Variants in TIMELESS observed in about 807,000 individuals in gnomAD.
The protein encoded by TIMELESS is timeless circadian regulator.
TIMELESS carries 124 observed loss-of-function variants against 164.3 expected under a neutral mutation model. The observed-to-expected ratio is 0.75, with a 90% CI of 0.65 to 0.88. The LOEUF (loss-of-function observed/expected upper bound fraction) is 0.88. Among genes scored for constraint, TIMELESS ranks in the 40% least tolerant of loss-of-function variants. The pLI, the probability that TIMELESS is intolerant of heterozygous loss-of-function variation, is 0.00. For synonymous variants in TIMELESS, 564 were observed against 563.4 expected (o/e 1.00, Z -0.02); for missense variants, 1,422 against 1,491.4 (o/e 0.95, Z 0.77).
At chr12:56,441,397 G>A (rs2136152765) in intron 1 of TIMELESS, among the ~76,000 whole-genome samples, 1 of 148,772 alleles carries the variant, frequency 6.7e-6, no homozygotes, top group Non-Finnish European at 1.5e-5. Flanking sequence ...TGAGGTGGGA[G>A]GATCACTTGA....
chr12:56,431,420 C>T (rs1881875934), intron 8 of TIMELESS, 51 bp downstream of exon 8: 3 of 1,562,300 alleles, frequency 1.9e-6, no homozygotes, highest in South Asian at 1.2e-5. Context: ...GCCTTCTATG[C>T]CCTCAGCATT....
chr12:56,428,837 A>T (rs1881764928), intron 11 of TIMELESS, 46 bp downstream of exon 11: 1 of 1,595,012 alleles, frequency 6.3e-7, no homozygotes, highest in African/African-American at 1.3e-5. Context: ...GAATTCAAGC[A>T]TTCAGATCCC....
chr12:56,429,187 G>T, intron 10 of TIMELESS, 87 bp from the exon 11 acceptor site: 14 of 1,237,954 alleles, frequency 1.1e-5, no homozygotes, highest in Admixed American at 2.6e-5. Context: ...TGGAATGGAT[G>T]CTGGACACCG....
At position 56,428,943 on chromosome 12, in the gene TIMELESS, A is replaced by T; in HGVS notation, c.1244T>A (p.Leu415His). Reference sequence around the variant, plus strand: ...CAGCATCATCTCATAGTAGTTGGTGAGGTTCTGCTCAATGAAGTGGAAGGT... The same window carrying T: ...CAGCATCATCTCATAGTAGTTGGTGTGGTTCTGCTCAATGAAGTGGAAGGT... ...VRTFHFIEQN[L>H]TNYYEMMLTD... is the part of the protein sequence containing the mutation. Residue 415 changes from leucine (L) to histidine (H), a missense_variant, in exon 11 of 29, where the codon CTC becomes CAC. Coordinates refer to ENST00000553532, the MANE Select transcript of TIMELESS (RefSeq NM_003920.5). 2 of 1,614,122 alleles carry T rather than the reference A, an allele frequency of 1.2e-6. No homozygotes were observed. The highest frequency in any genetic ancestry group is 1.7e-6 in the Non-Finnish European group (2 of 1,180,016).
At chr12:56,446,592 T>A (rs1207846921) in intron 1 of TIMELESS, among the ~76,000 whole-genome samples, 1 of 151,922 alleles carries the variant, frequency 6.6e-6, no homozygotes, top group African/African-American at 2.4e-5. Context: ...GCACTTTGGG[T>A]GGCTGAGGCG....
intron 1 of TIMELESS, among the ~76,000 whole-genome samples, chr12:56,440,714 G>C (rs1868262090): frequency 6.6e-6 from 1 of 152,196 alleles, no homozygotes; most frequent in African/African-American, 2.4e-5. Flanking sequence ...TCAAACCTTG[G>C]TCTTCAGACC....
intron 21 of TIMELESS, 36 bp downstream of exon 21, chr12:56,421,863 C>G: frequency 6.2e-7 from 1 of 1,613,218 alleles, no homozygotes; most frequent in South Asian, 1.1e-5. Context: ...TCACGAGTCC[C>G]CATCCCAATA....
rs1881491386 is a variant in TIMELESS at position 56,421,571 on chromosome 12, G to A, written c.2726-78C>T. 1.9e-6 allele frequency: 3 copies of A among 1,553,944 alleles called. No homozygotes were observed. In the Admixed American group the frequency reaches 5.4e-5, roughly 28 times the overall value. On this transcript the variant is annotated intron_variant, in intron 22 of 28. Coordinates refer to ENST00000553532, the MANE Select transcript of TIMELESS (RefSeq NM_003920.5). ...AAAATAAATCAGAGGTCTCTGGAAA[G>A]AGGGTACCTCAATTCATCCAAAAAT...
At chr12:56,432,684 C>T (rs1393376814) in intron 6 of TIMELESS, among the ~76,000 whole-genome samples, 160 bp from the exon 7 acceptor site, 2 of 152,114 alleles carry the variant, frequency 1.3e-5, no homozygotes, top group Non-Finnish European at 2.9e-5. Flanking sequence ...GTGGCTCACG[C>T]CTGTAATCCC....
At chr12:56,432,076 A>G (rs948574371) in intron 7 of TIMELESS, among the ~76,000 whole-genome samples, 1 of 152,130 alleles carries the variant, frequency 6.6e-6, no homozygotes, top group African/African-American at 2.4e-5. Flanking sequence ...TAGGACAAAC[A>G]GGGACAAAAG....
intron 1 of TIMELESS, among the ~76,000 whole-genome samples, chr12:56,445,730 CAAA>C (rs550513491): frequency 1.5e-5 from 2 of 130,552 alleles, no homozygotes; most frequent in Admixed American, 7.8e-5. Context: ...AACTCTGTCT[CAAA>C]AAAAAAAAAA....
At chr12:56,419,583 A>G (rs1247240076) in intron 26 of TIMELESS, among the ~76,000 whole-genome samples, 1 of 151,536 alleles carries the variant, frequency 6.6e-6, no homozygotes, top group Non-Finnish European at 1.5e-5. Context: ...CTATGATGTA[A>G]AGTCGGTGTG....
chr12:56,433,914 T>C lies in TIMELESS; in HGVS notation c.110A>G (p.Asp37Gly). The change falls in exon 3 of 29, where the codon GAT (aspartate) becomes GGT (glycine). Residue 37 changes from aspartate (D) to glycine (G), a missense_variant. Asp to Gly is a moderately conservative substitution (Grantham distance 94, BLOSUM62 -1). Coordinates refer to ENST00000553532, the MANE Select transcript of TIMELESS (RefSeq NM_003920.5). Reference protein sequence around the residue: ...KEPDCLESVKDLIRYLRHEDE... With the variant: ...KEPDCLESVKGLIRYLRHEDE... ...CTCATGCCTCAAATAGCGGATCAGA[T>C]CCTTCACGCTCTCTTCAGAGACAGA... 1 of 1,614,056 alleles carries C rather than the reference T, an allele frequency of 6.2e-7. No individual in the cohort carries two copies. The highest frequency in any genetic ancestry group is 1.1e-5 in the South Asian group (1 of 91,070).
At chr12:56,420,029 A>AAAAAAAAATAT (rs1555176447) in intron 26 of TIMELESS, among the ~76,000 whole-genome samples, 10 of 75,184 alleles carry the variant, frequency 1.3e-4, no homozygotes, top group African/African-American at 6.0e-4. Flanking sequence ...AAAAAAAAAA[A>AAAAAAAAATAT]ATATATATAT....
At position 56,421,414 on chromosome 12, in the gene TIMELESS, C is replaced by T. The variant is rs1429519504; in HGVS notation, c.2805G>A (p.Gly935=). ...ARIVDKLLAL[G]LVAERRELYK... ...ACAGCTCCCGCCGCTCAGCCACCAG[C>T]CCCAGAGCCAAGAGTTTATCCACTA... is the stretch of plus-strand genomic sequence containing the variant. Residue 935 remains glycine, a synonymous_variant, in exon 23 of 29, where the codon GGG becomes GGA. Transcript: ENST00000553532. 1 of 1,614,014 alleles carries T rather than the reference C, an allele frequency of 6.2e-7. No individual in the cohort carries two copies. The highest frequency in any genetic ancestry group is 1.3e-5 in the African/African-American group (1 of 74,908).
chr12:56,433,904 G>A lies in TIMELESS; in HGVS notation c.120C>T (p.Arg40=), dbSNP rs762664292. 14 of 1,613,966 alleles carry A rather than the reference G, an allele frequency of 8.7e-6. No homozygotes were observed. The Admixed American group carries it at 1.3e-4, about 15-fold the overall frequency. The change falls in exon 3 of 29, where the codon CGC becomes CGT. Residue 40 remains arginine, a synonymous_variant. Coordinates refer to ENST00000553532, the MANE Select transcript of TIMELESS (RefSeq NM_003920.5). ...DCLESVKDLI[R]YLRHEDETRD... ...GTGTCTCATCCTCATGCCTCAAATA[G>A]CGGATCAGATCCTTCACGCTCTCTT...
chr12:56,444,364 T>C (rs1211993751), intron 1 of TIMELESS, among the ~76,000 whole-genome samples: 2 of 152,146 alleles, frequency 1.3e-5, no homozygotes, highest in East Asian at 3.9e-4. Context: ...ATGAACTCTC[T>C]CAACTCTCTC....
rs149687186 is a variant in TIMELESS at position 56,443,077 on chromosome 12, G to C, written c.-62+6233C>G. Among the ~76,000 whole-genome samples, 121 of 152,210 alleles carry C rather than the reference G, an allele frequency of 7.9e-4. 1 individual carries two copies. In the East Asian group the frequency reaches 0.02, roughly 25 times the overall value. ...CGTGTGTTTGAACAATATGAAATCAGGGCACCCTGAGAAAGAACAGAACAA... is the reference window on the plus strand; with the variant it reads ...CGTGTGTTTGAACAATATGAAATCACGGCACCCTGAGAAAGAACAGAACAA... On this transcript the variant is annotated intron_variant, in intron 1 of 28. Transcript: ENST00000553532.
Position 56,422,933 on chromosome 12 carries a change from G to A in TIMELESS, c.2352C>T (p.Asn784=). ...ACAACAGCTCCACAAAGGCTTTTTG[G>A]TTGACTGCAGCCAGTGCAAAAAATT... ...LGKFFALAAV[N]QKAFVELLFW... is the part of the protein sequence containing the mutation. Residue 784 remains asparagine (N), a synonymous_variant, in exon 19 of 29, where the codon AAC becomes AAT. Transcript: ENST00000553532. The A allele has an allele frequency of 6.2e-7, 1 of 1,613,850 alleles. No individual in the cohort carries two copies. The highest frequency in any genetic ancestry group is 8.5e-7 in the Non-Finnish European group (1 of 1,179,998).
Sources: allele counts gnomAD v4.1 joint callset (sites outside exome capture counted in the v4.1 genomes callset), GRCh38; gene constraint gnomAD v4.1.1; transcripts MANE v1.5; gene names NCBI Gene and HGNC (gene_info 2026-07-23, HGNC 2026-07-21).